TNFSF4: variants seen among roughly 807,000 people sequenced by gnomAD.
TNFSF4 encodes the protein tumor necrosis factor ligand superfamily member 4.
In TNFSF4, 4 loss-of-function variants were observed where a neutral mutation model predicts 7.3. The observed-to-expected ratio is 0.55, with a 90% CI of 0.27 to 1.25. The LOEUF (loss-of-function observed/expected upper bound fraction) is 1.25, where lower values mean the gene tolerates loss of function less well. Among genes scored for constraint, TNFSF4 ranks in the 50% most tolerant of loss-of-function variants. TNFSF4 has a pLI of 0.12. For missense variants in TNFSF4, 181 were observed against 208.8 expected, an observed-to-expected ratio of 0.87 and a Z score of 0.82; for synonymous variants, 76 against 83.7, an observed-to-expected ratio of 0.91 and a Z score of 0.50.
chr1:173,250,901 TA>T, the TNFSF4 span, among the ~76,000 whole-genome samples: 1 of 152,182 alleles, frequency 6.6e-6, no homozygotes. Context: ...ATAATATAAC[TA>T]ATATAATAGG....
the TNFSF4 span, among the ~76,000 whole-genome samples, chr1:173,449,680 C>T: frequency 6.6e-6 from 1 of 152,044 alleles, no homozygotes; most frequent in Admixed American, 6.6e-5. Context: ...GACTAATACA[C>T]CAACATACTT....
intron 1 of TNFSF4, chr1:173,205,688 G>T: frequency 2.8e-6 from 2 of 709,780 alleles, no homozygotes; most frequent in Non-Finnish European, 3.5e-6. Flanking sequence ...TCTCAAAAGA[G>T]CCTAATTCCG....
the TNFSF4 span, chr1:173,363,068 T>G: frequency 2.8e-6 from 1 of 359,202 alleles, no homozygotes; most frequent in Non-Finnish European, 5.5e-6. Flanking sequence ...TTAGCTGCCT[T>G]AGTTTGTACA....
the TNFSF4 span, among the ~76,000 whole-genome samples, chr1:173,406,053 G>C: frequency 1.1e-4 from 16 of 152,200 alleles, no homozygotes; most frequent in Non-Finnish European, 2.1e-4. Context: ...TATCTGGTAA[G>C]GAGGGTGGGC....
the TNFSF4 span, among the ~76,000 whole-genome samples, chr1:173,384,257 A>G: frequency 6.6e-6 from 1 of 152,248 alleles, no homozygotes; most frequent in Non-Finnish European, 1.5e-5. Flanking sequence ...GATAAACACA[A>G]TAAATAAAGT....
At chr1:173,262,580 A>G in the TNFSF4 span, among the ~76,000 whole-genome samples, 1 of 150,408 alleles carries the variant, frequency 6.6e-6, no homozygotes, top group African/African-American at 2.4e-5. Flanking sequence ...TCTAGAAATC[A>G]TCTCAGCCCA....
chr1:173,224,510 G>A, the TNFSF4 span, among the ~76,000 whole-genome samples: 1 of 152,280 alleles, frequency 6.6e-6, no homozygotes, highest in South Asian at 2.1e-4. Context: ...TTGGTAGGCC[G>A]TAATTATGGT....
At chr1:173,356,149 A>C in the TNFSF4 span, among the ~76,000 whole-genome samples, 89 of 152,292 alleles carry the variant, frequency 5.8e-4, no homozygotes, top group African/African-American at 2.1e-3. Flanking sequence ...GCAATCACTT[A>C]ATGTGGGGGA....
the TNFSF4 span, among the ~76,000 whole-genome samples, chr1:173,226,282 T>C: frequency 6.6e-6 from 1 of 152,218 alleles, no homozygotes; most frequent in African/African-American, 2.4e-5. Context: ...CAGTTGGGTA[T>C]GGCCACATGA....
At chr1:173,232,061 T>C in the TNFSF4 span, among the ~76,000 whole-genome samples, 2 of 152,162 alleles carry the variant, frequency 1.3e-5, no homozygotes, top group African/African-American at 4.8e-5. Flanking sequence ...CCCTGGGCAG[T>C]ATGGCCATTT....
chr1:173,401,748 C>A, the TNFSF4 span, among the ~76,000 whole-genome samples: 1 of 152,156 alleles, frequency 6.6e-6, no homozygotes, highest in Non-Finnish European at 1.5e-5. Flanking sequence ...ATACACAACA[C>A]ACACACACAC....
At chr1:173,248,064 A>C in the TNFSF4 span, among the ~76,000 whole-genome samples, 1 of 152,254 alleles carries the variant, frequency 6.6e-6, no homozygotes, top group East Asian at 1.9e-4. Flanking sequence ...ACAGCATATG[A>C]AAAGTTCCAG....
the TNFSF4 span, among the ~76,000 whole-genome samples, chr1:173,218,130 C>T: frequency 1.3e-5 from 2 of 152,194 alleles, no homozygotes; most frequent in Admixed American, 1.3e-4. Flanking sequence ...AGGATGATGC[C>T]GTCACACCTC....
the TNFSF4 span, among the ~76,000 whole-genome samples, chr1:173,308,285 C>CTCTCTCTCTCTGTGTGTG: frequency 5.2e-5 from 7 of 135,118 alleles, no homozygotes; most frequent in African/African-American, 2.0e-4. Flanking sequence ...CTCTCTCTCT[C>CTCTCTCTCTCTGTGTGTG]TGTGTGTGTG....
At chr1:173,325,096 C>T in the TNFSF4 span, among the ~76,000 whole-genome samples, 14 of 152,206 alleles carry the variant, frequency 9.2e-5, no homozygotes, top group South Asian at 1.0e-3. Flanking sequence ...TATTCCAAAA[C>T]TGACCACATA....
the TNFSF4 span, among the ~76,000 whole-genome samples, chr1:173,385,843 G>GA: frequency 6.7e-6 from 1 of 148,420 alleles, no homozygotes; most frequent in Admixed American, 6.7e-5. Flanking sequence ...CTCTGTCTCA[G>GA]AAAAAGAAAA....
chr1:173,450,530 T>A, the TNFSF4 span, among the ~76,000 whole-genome samples: 1 of 151,628 alleles, frequency 6.6e-6, no homozygotes. Context: ...TAAAATATTA[T>A]CAAATTGAAT....
the TNFSF4 span, among the ~76,000 whole-genome samples, chr1:173,377,969 G>A: frequency 6.6e-6 from 1 of 152,180 alleles, no homozygotes; most frequent in African/African-American, 2.4e-5. Flanking sequence ...AATACTAACA[G>A]CAGAATGCTT....
chr1:173,327,548 C>T, the TNFSF4 span, among the ~76,000 whole-genome samples: 7 of 151,190 alleles, frequency 4.6e-5, no homozygotes, highest in Non-Finnish European at 1.5e-5. Context: ...AAAGAAACTA[C>T]CATCAGAGTG....
Sources: allele counts gnomAD v4.1 joint callset (sites outside exome capture counted in the v4.1 genomes callset), GRCh38; gene constraint gnomAD v4.1.1; transcripts MANE v1.5; gene names NCBI Gene and HGNC (gene_info 2026-07-23, HGNC 2026-07-21).